Variants in LIN7A observed in about 807,000 individuals in gnomAD.
LIN7A encodes protein lin-7 homolog A.
A neutral mutation model predicts 29.8 loss-of-function variants in LIN7A; 25 were observed. The ratio of observed to expected loss-of-function variants is 0.84; its 90% CI spans 0.61 to 1.17. The LOEUF is 1.17. LIN7A is among the 50% of genes most tolerant of loss of function. LIN7A has a pLI of 0.00. For synonymous variants in LIN7A, 118 were observed against 107.5 expected (o/e 1.10, Z -0.60); for missense variants, 239 against 287.0 (o/e 0.83, Z 1.21).
chr12:80,800,844 A>T (rs1176528402), intron 5 of LIN7A, among the ~76,000 whole-genome samples: 1 of 152,150 alleles, frequency 6.6e-6, no homozygotes, highest in African/African-American at 2.4e-5. Flanking sequence ...ACATAAATTT[A>T]AAAACCCTCA....
chr12:80,881,800 G>GTATATACAA (rs1472816590), intron 2 of LIN7A, among the ~76,000 whole-genome samples: 8 of 152,092 alleles, frequency 5.3e-5, no homozygotes, highest in Non-Finnish European at 4.4e-5. Context: ...TATTACAAAT[G>GTATATACAA]AGCCCATTTG....
chr12:80,808,796 C>T (rs753284800), intron 5 of LIN7A, among the ~76,000 whole-genome samples: 31 of 152,126 alleles, frequency 2.0e-4, no homozygotes, highest in East Asian at 7.8e-4. Context: ...TGAGCCACCA[C>T]GCTTGGCTCC....
chr12:80,839,025 G>A (rs1421651117), intron 4 of LIN7A, among the ~76,000 whole-genome samples: 2 of 152,194 alleles, frequency 1.3e-5, no homozygotes, highest in Non-Finnish European at 2.9e-5. Context: ...TTGAATCAGA[G>A]TAAATTCCTT....
At chr12:80,932,389 A>G (rs76287543) in intron 1 of LIN7A, among the ~76,000 whole-genome samples, 8,849 of 152,330 alleles carry the variant, frequency 0.058, 392 homozygotes, top group Admixed American at 0.13. Context: ...TGTTTAATCA[A>G]TATTTTAAAT....
chr12:80,792,835 CAT>C lies in LIN7A; in HGVS notation c.*4890_*4891del, dbSNP rs1349523233. Reference sequence around the variant, plus strand: ...TGAAAAGTCACTGAAATATTTATCACATGTCAGAAATTTTCTGGTCTGTACCT... The same window carrying C: ...TGAAAAGTCACTGAAATATTTATCACGTCAGAAATTTTCTGGTCTGTACCT... On this transcript the variant is annotated 3_prime_UTR_variant, in exon 6 of 6. Coordinates refer to ENST00000552864, the MANE Select transcript of LIN7A (RefSeq NM_004664.4). The C allele has an allele frequency of 6.6e-6, 1 of 152,280 alleles. No individual in the cohort carries two copies. Among genetic ancestry groups the C allele is most frequent in the African/African-American group, 2.4e-5 (1 of 41,562 alleles). 9.4% of individuals were successfully genotyped at this position (152,280 alleles called of 1,614,324 possible).
intron 2 of LIN7A, among the ~76,000 whole-genome samples, chr12:80,859,775 G>A (rs530878721): frequency 3.3e-4 from 50 of 152,162 alleles, no homozygotes; most frequent in African/African-American, 1.1e-3. Flanking sequence ...GTACAATATA[G>A]ATACATATAA....
chr12:80,887,068 C>A (rs1436740517), intron 2 of LIN7A, among the ~76,000 whole-genome samples: 1 of 152,066 alleles, frequency 6.6e-6, no homozygotes, highest in Non-Finnish European at 1.5e-5. Context: ...ACTAGTCCAC[C>A]TTATTATAAC....
At chr12:80,809,875 A>T (rs1386709777) in intron 5 of LIN7A, among the ~76,000 whole-genome samples, 2 of 152,146 alleles carry the variant, frequency 1.3e-5, no homozygotes, top group African/African-American at 2.4e-5. Context: ...AAACTCTTAA[A>T]GTTTTATTTT....
At chr12:80,829,330 T>C (rs1286593612) in intron 4 of LIN7A, among the ~76,000 whole-genome samples, 1 of 152,168 alleles carries the variant, frequency 6.6e-6, no homozygotes, top group Admixed American at 6.5e-5. Flanking sequence ...GCCAATGATA[T>C]TCTGTTTGAA....
intron 2 of LIN7A, among the ~76,000 whole-genome samples, chr12:80,887,870 G>A (rs987939103): frequency 2.6e-4 from 39 of 151,946 alleles, no homozygotes; most frequent in African/African-American, 8.2e-4. Flanking sequence ...TAGAAGAGAT[G>A]GTAGAATCTC....
intron 2 of LIN7A, among the ~76,000 whole-genome samples, chr12:80,851,580 T>A (rs1019475262): frequency 3.9e-5 from 6 of 152,166 alleles, no homozygotes; most frequent in Non-Finnish European, 8.8e-5. Context: ...TTTAAAGTAT[T>A]TGTAAAAATC....
chr12:80,830,825 G>T (rs1265286552), intron 4 of LIN7A, among the ~76,000 whole-genome samples: 1 of 152,042 alleles, frequency 6.6e-6, no homozygotes. Context: ...ACAGGAGAAT[G>T]ATCTGAATGT....
chr12:80,823,084 T>G (rs981765707), intron 4 of LIN7A, among the ~76,000 whole-genome samples: 2 of 152,198 alleles, frequency 1.3e-5, no homozygotes, highest in African/African-American at 4.8e-5. Flanking sequence ...GTGGGTCTCT[T>G]CTGAGCTGTT....
At chr12:80,820,630 TACAC>T (rs3072333) in intron 4 of LIN7A, among the ~76,000 whole-genome samples, 110 of 147,516 alleles carry the variant, frequency 7.5e-4, no homozygotes, top group African/African-American at 2.0e-3. Flanking sequence ...GAAGATTAAA[TACAC>T]ACACACACAC....
At chr12:80,892,415 C>T (rs1438955884) in intron 1 of LIN7A, among the ~76,000 whole-genome samples, 1 of 152,146 alleles carries the variant, frequency 6.6e-6, no homozygotes, top group Admixed American at 6.5e-5. Flanking sequence ...TTATTATCAG[C>T]CTTGGTTAAG....
At chr12:80,896,395 T>A (rs1243725539) in intron 1 of LIN7A, among the ~76,000 whole-genome samples, 1 of 152,216 alleles carries the variant, frequency 6.6e-6, no homozygotes, top group Non-Finnish European at 1.5e-5. Flanking sequence ...TACCAAATAA[T>A]GTTCAGTTTA....
intron 2 of LIN7A, among the ~76,000 whole-genome samples, chr12:80,879,518 C>T (rs1388970962): frequency 1.3e-5 from 2 of 151,096 alleles, no homozygotes; most frequent in African/African-American, 2.4e-5. Flanking sequence ...AAAAAGAAAA[C>T]ATATATTCTG....
At chr12:80,927,052 T>C (rs1173528571) in intron 1 of LIN7A, among the ~76,000 whole-genome samples, 4 of 151,648 alleles carry the variant, frequency 2.6e-5, no homozygotes, top group Non-Finnish European at 5.9e-5. Context: ...ATTAATGTTA[T>C]CTTTCATCAC....
intron 1 of LIN7A, among the ~76,000 whole-genome samples, chr12:80,897,149 T>C (rs868551424): frequency 9.9e-5 from 15 of 152,254 alleles, no homozygotes; most frequent in Middle Eastern, 3.4e-3. Flanking sequence ...TGCCTACTAC[T>C]ACCCGAGACA....
Sources: gnomAD v4.1 joint callset for allele counts (sites outside exome capture counted in the v4.1 genomes callset) on GRCh38, gnomAD v4.1.1 for gene constraint, MANE v1.5 for transcripts, NCBI Gene and HGNC (gene_info 2026-07-23, HGNC 2026-07-21) for gene names.